Variants in VWA8 observed in about 807,000 individuals in gnomAD.
VWA8 encodes the protein von Willebrand factor A domain containing 8.
In VWA8, 221 loss-of-function variants were observed where a neutral mutation model predicts 241.5. That is an observed-to-expected ratio of 0.91 (90% CI 0.82 to 1.02). The LOEUF (loss-of-function observed/expected upper bound fraction) is 1.02, where lower values mean the gene tolerates loss of function less well. Ranked by LOEUF, VWA8 falls within the 50% of genes least tolerant of loss-of-function variation. The probability of loss-of-function intolerance (pLI) is 0.00; values close to 1 mark genes in which losing one functional copy is unlikely to be tolerated. For synonymous variants in VWA8, 852 were observed against 827.1 expected (o/e 1.03, Z -0.52); for missense variants, 2,322 against 2,328.7 (o/e 1.00, Z 0.06).
chr13:41,831,213 A>G (rs1871437241), intron 13 of VWA8, among the ~76,000 whole-genome samples: 1 of 152,208 alleles, frequency 6.6e-6, no homozygotes, highest in African/African-American at 2.4e-5. Flanking sequence ...CCAACCCCTA[A>G]GTCTCCTAAT....
At chr13:41,840,062 AG>A (rs1033641595) in intron 12 of VWA8, among the ~76,000 whole-genome samples, 4 of 152,156 alleles carry the variant, frequency 2.6e-5, no homozygotes, top group African/African-American at 9.7e-5. Flanking sequence ...AGTGGTTTGT[AG>A]CTCTCCTTGA....
At chr13:41,599,300 T>C (rs2044507295) in intron 40 of VWA8, among the ~76,000 whole-genome samples, 1 of 152,184 alleles carries the variant, frequency 6.6e-6, no homozygotes, top group Non-Finnish European at 1.5e-5. Flanking sequence ...TATCTTTCCT[T>C]ATTGCATTCA....
At chr13:41,924,960 A>G (rs182189184) in intron 2 of VWA8, among the ~76,000 whole-genome samples, 2 of 150,866 alleles carry the variant, frequency 1.3e-5, no homozygotes, top group Admixed American at 1.3e-4. Context: ...CTATTCTCCA[A>G]TGTACATTAT....
At chr13:41,568,458 T>G in intron 44 of VWA8, 153 bp from the exon 45 acceptor site, 1 of 522,248 alleles carries the variant, frequency 1.9e-6, no homozygotes. Context: ...GAATTAGTCG[T>G]CATTAAACAA....
chr13:41,642,912 G>C (rs1410186464), intron 37 of VWA8, among the ~76,000 whole-genome samples: 1 of 151,942 alleles, frequency 6.6e-6, no homozygotes, highest in Non-Finnish European at 1.5e-5. Flanking sequence ...CTGGGCAATG[G>C]AGCAACACTC....
At chr13:41,747,034 TG>T (rs1184493155) in intron 21 of VWA8, among the ~76,000 whole-genome samples, 6 of 152,234 alleles carry the variant, frequency 3.9e-5, no homozygotes, top group African/African-American at 1.2e-4. Context: ...GGTAGCATGA[TG>T]CCTCCAGCTT....
intron 6 of VWA8, 141 bp from the exon 7 acceptor site, chr13:41,886,971 T>C (rs1874573702): frequency 1.2e-6 from 1 of 865,490 alleles, no homozygotes; most frequent in African/African-American, 1.8e-5. Context: ...TTGATACATT[T>C]CATTTTCTAA....
At chr13:41,767,335 C>T (rs1340458242) in intron 20 of VWA8, among the ~76,000 whole-genome samples, 1 of 152,032 alleles carries the variant, frequency 6.6e-6, no homozygotes, top group African/African-American at 2.4e-5. Flanking sequence ...GCTTAAATGC[C>T]TAAAAATACA....
intron 20 of VWA8, 93 bp downstream of exon 20, chr13:41,777,892 A>G (rs1333148550): frequency 3.3e-5 from 37 of 1,132,402 alleles, no homozygotes; most frequent in Non-Finnish European, 2.5e-6. Context: ...TTAATAGGGG[A>G]AAAAATAACT....
intron 39 of VWA8, among the ~76,000 whole-genome samples, chr13:41,606,604 T>C (rs2044555094): frequency 6.6e-6 from 1 of 152,184 alleles, no homozygotes; most frequent in Non-Finnish European, 1.5e-5. Flanking sequence ...GAAACTCTTA[T>C]CTAATGTGTA....
At chr13:41,865,648 G>A (rs1015153308) in intron 12 of VWA8, 88 bp downstream of exon 12, 1 of 1,430,352 alleles carries the variant, frequency 7.0e-7, no homozygotes, top group East Asian at 2.4e-5. Flanking sequence ...AAAAACACAG[G>A]TCATAACAAG....
intron 26 of VWA8, among the ~76,000 whole-genome samples, chr13:41,715,137 G>A (rs921457173): frequency 6.6e-5 from 10 of 151,888 alleles, no homozygotes; most frequent in Middle Eastern, 3.4e-3. Context: ...CCATAGGTCC[G>A]TTGGGAGAAT....
intron 26 of VWA8, among the ~76,000 whole-genome samples, chr13:41,707,316 T>C (rs1415020598): frequency 2.0e-5 from 3 of 152,202 alleles, no homozygotes; most frequent in Non-Finnish European, 2.9e-5. Flanking sequence ...CTCTGAACAT[T>C]TGCCAATACT....
intron 35 of VWA8, among the ~76,000 whole-genome samples, chr13:41,683,168 A>C (rs185265602): frequency 9.2e-5 from 14 of 152,324 alleles, no homozygotes; most frequent in African/African-American, 2.9e-4. Context: ...TTTATTGCCC[A>C]AAACTGGAAA....
At position 41,749,764 on chromosome 13, in the gene VWA8, C is replaced by A. The variant is rs553113566; in HGVS notation, c.2426+11364G>T. Among the ~76,000 whole-genome samples the A allele has an allele frequency of 7.9e-5, 12 of 151,788 alleles. No individual in the cohort carries two copies. In the East Asian group the frequency reaches 1.7e-3, roughly 22 times the overall value. On this transcript the variant is annotated intron_variant, in intron 21 of 44. Coordinates refer to ENST00000379310, the MANE Select transcript of VWA8 (RefSeq NM_015058.2). ...GCAAACTATCGCAAGGACAAAAAAC[C>A]AAACACCCCATGTTCTCACTCATAG...
At chr13:41,639,560 A>G (rs898836881) in intron 37 of VWA8, among the ~76,000 whole-genome samples, 1 of 152,226 alleles carries the variant, frequency 6.6e-6, no homozygotes. Flanking sequence ...TGAATTACAT[A>G]GTGTGTCTTT....
rs1283539205 is a variant in VWA8, at chr13:41,671,117, C to T, written c.4440G>A (p.Trp1480Ter). 1 of 1,613,816 alleles carries T rather than the reference C, an allele frequency of 6.2e-7. No homozygotes were observed. The change falls in exon 37 of 45, where the codon TGG becomes TGA. Residue 1480 changes from tryptophan to a stop codon, truncating the protein, a stop_gained. Transcript: ENST00000379310. LOFTEE classifies it high-confidence loss of function. ...CATCTGTGTCTGAAATGGTCGACAG[C>T]CATGTGGTATACGGCGAGAGAGATT... ...RSESLSPYTT[W>*]LSTISDTDAL... is the part of the protein sequence containing the mutation.
chr13:41,880,507 T>C (rs1874120420), intron 9 of VWA8, among the ~76,000 whole-genome samples: 1 of 152,234 alleles, frequency 6.6e-6, no homozygotes. Context: ...TTACCAACAG[T>C]GCCAATATTG....
intron 23 of VWA8, among the ~76,000 whole-genome samples, chr13:41,727,750 T>C (rs926908529): frequency 6.6e-6 from 1 of 152,216 alleles, no homozygotes; most frequent in Admixed American, 6.5e-5. Flanking sequence ...CCTGCCATTA[T>C]GCAGCTAAGG....
Sources: gnomAD v4.1 joint callset for allele counts (sites outside exome capture counted in the v4.1 genomes callset) on GRCh38, gnomAD v4.1.1 for gene constraint, MANE v1.5 for transcripts, NCBI Gene and HGNC (gene_info 2026-07-23, HGNC 2026-07-21) for gene names.